CNTNAP5: variants seen among roughly 807,000 people sequenced by gnomAD.
The protein encoded by CNTNAP5 is contactin associated protein family member 5.
CNTNAP5 carries 72 observed loss-of-function variants against 150.2 expected under a neutral mutation model. The ratio of observed to expected loss-of-function variants is 0.48; its 90% confidence interval spans 0.40 to 0.58. The LOEUF (loss-of-function observed/expected upper bound fraction) is 0.58, where lower values mean the gene tolerates loss of function less well. CNTNAP5 is among the 20% of genes least tolerant of loss of function. The pLI is 0.00. For missense variants in CNTNAP5, 1,636 were observed against 1,626.2 expected, an observed-to-expected ratio of 1.01 and a Z score of -0.10; for synonymous variants, 672 against 619.8, an observed-to-expected ratio of 1.08 and a Z score of -1.25.
intron 1 of CNTNAP5, among the ~76,000 whole-genome samples, chr2:124,079,946 A>G (rs1383654111): frequency 6.6e-6 from 1 of 152,212 alleles, no homozygotes; most frequent in East Asian, 1.9e-4. Context: ...TGAAGAATAA[A>G]TGAATTGCTA....
intron 1 of CNTNAP5, among the ~76,000 whole-genome samples, chr2:124,221,322 C>T (rs757270032): frequency 1.1e-4 from 16 of 152,232 alleles, no homozygotes; most frequent in Non-Finnish European, 1.6e-4. Flanking sequence ...TTAATCATCT[C>T]GCTTCTTATA....
chr2:124,313,945 A>G (rs1265035603), intron 3 of CNTNAP5, among the ~76,000 whole-genome samples: 2 of 152,202 alleles, frequency 1.3e-5, no homozygotes, highest in African/African-American at 4.8e-5. Context: ...CAGACTTAGA[A>G]CTAAATCTCA....
chr2:124,439,031 C>A (rs1174627166), intron 5 of CNTNAP5, among the ~76,000 whole-genome samples: 1 of 152,000 alleles, frequency 6.6e-6, no homozygotes, highest in Non-Finnish European at 1.5e-5. Context: ...ATGTAATAAA[C>A]TTTTATAAAA....
intron 8 of CNTNAP5, among the ~76,000 whole-genome samples, chr2:124,505,204 A>G (rs1694375242): frequency 6.6e-6 from 1 of 152,162 alleles, no homozygotes; most frequent in Admixed American, 6.5e-5. Context: ...TAAACATGGC[A>G]TGTTTCATAT....
At chr2:124,699,843 CTCT>C (rs1455410446) in intron 13 of CNTNAP5, among the ~76,000 whole-genome samples, 2 of 150,040 alleles carry the variant, frequency 1.3e-5, no homozygotes, top group South Asian at 2.1e-4. Context: ...TTTCTTTCTT[CTCT>C]TCTTAGATAT....
intron 1 of CNTNAP5, among the ~76,000 whole-genome samples, chr2:124,118,713 G>C (rs910105303): frequency 6.6e-6 from 1 of 152,178 alleles, no homozygotes; most frequent in Admixed American, 6.6e-5. Context: ...GTAAGGGAGA[G>C]GAGGAGGACC....
At chr2:124,279,621 G>T (rs768365672) in intron 3 of CNTNAP5, among the ~76,000 whole-genome samples, 9 of 152,028 alleles carry the variant, frequency 5.9e-5, no homozygotes, top group Non-Finnish European at 1.3e-4. Context: ...CTTATCAGGG[G>T]ATCCAACCAT....
rs890816163 is a variant in CNTNAP5, at chr2:124,504,536, G to A, written c.1307G>A (p.Arg436His). 13 of 1,613,538 alleles carry A rather than the reference G, an allele frequency of 8.1e-6. No individual in the cohort carries two copies. Among genetic ancestry groups the A allele is most frequent in the South Asian group, 2.2e-5 (2 of 91,068 alleles). Residue 436 changes from arginine to histidine, a missense_variant, in exon 8 of 24, where the codon CGC becomes CAC. Arg to His is a conservative substitution (Grantham distance 29, BLOSUM62 0). Transcript: ENST00000682447. ...CTCGTGATTCAGAAAATGACAGAAC[G>A]CGTAGCTGAAATCCTCACAGGTACT... ...LRLVIQKMTE[R>H]VAEILTGSNL...
chr2:124,168,889 A>G (rs1223235473), intron 1 of CNTNAP5, among the ~76,000 whole-genome samples: 2 of 152,144 alleles, frequency 1.3e-5, no homozygotes, highest in East Asian at 3.9e-4. Flanking sequence ...GGAACTTTGG[A>G]GTTGATGTAA....
chr2:124,869,562 A>AG (rs1573675658), intron 20 of CNTNAP5, 113 bp from the exon 21 acceptor site: 1 of 657,018 alleles, frequency 1.5e-6, no homozygotes, highest in East Asian at 2.8e-5. Flanking sequence ...AAAATCTCAG[A>AG]GGGGGGTCTG....
chr2:124,594,745 G>T (rs1419223124), intron 11 of CNTNAP5, among the ~76,000 whole-genome samples: 3 of 132,388 alleles, frequency 2.3e-5, no homozygotes, highest in African/African-American at 8.2e-5. Flanking sequence ...CCATTTTCAC[G>T]ATATTGATTC....
At chr2:124,764,454 T>A (rs1191933480) in intron 16 of CNTNAP5, among the ~76,000 whole-genome samples, 1 of 152,224 alleles carries the variant, frequency 6.6e-6, no homozygotes, top group Non-Finnish European at 1.5e-5. Flanking sequence ...ACTTTATTCA[T>A]GACACTTTCC....
At position 124,558,620 on chromosome 2, in the gene CNTNAP5, C is replaced by A. The variant is rs140687399; in HGVS notation, c.1650-4597C>A. Reference sequence around the variant, plus strand: ...AAGAAGCCAAAAATTCATATTTCTTCTGTGAAACTTTACAAATTAAAAACA... The same window carrying A: ...AAGAAGCCAAAAATTCATATTTCTTATGTGAAACTTTACAAATTAAAAACA... On this transcript the variant is annotated intron_variant, in intron 10 of 23. Coordinates refer to ENST00000682447, the MANE Select transcript of CNTNAP5 (RefSeq NM_001367498.1). Among the ~76,000 whole-genome samples the A allele has an allele frequency of 5.8e-4, 88 of 152,278 alleles. 1 individual carries two copies. The East Asian group carries it at 0.015, about 26-fold the overall frequency.
chr2:124,364,238 G>T (rs1408248362), intron 3 of CNTNAP5, among the ~76,000 whole-genome samples: 1 of 152,086 alleles, frequency 6.6e-6, no homozygotes, highest in African/African-American at 2.4e-5. Flanking sequence ...TAGGGTCTTT[G>T]CTCTAGCTAC....
At chr2:124,033,673 C>T (rs79554053) in intron 1 of CNTNAP5, among the ~76,000 whole-genome samples, 1,197 of 102,314 alleles carry the variant, frequency 0.012, 16 homozygotes, top group African/African-American at 0.045. Context: ...CTGATGCAGG[C>T]CAGACATGGG....
intron 1 of CNTNAP5, among the ~76,000 whole-genome samples, chr2:124,035,503 G>T (rs1284743596): frequency 6.6e-6 from 1 of 151,394 alleles, no homozygotes; most frequent in Non-Finnish European, 1.5e-5. Context: ...ATGTTTTATG[G>T]CATAAGTTAA....
rs953434661 is a variant in CNTNAP5 at position 124,429,110 on chromosome 2, G to A, written c.530-5374G>A. 2.0e-5 allele frequency among the ~76,000 whole-genome samples: 3 copies of A among 152,230 alleles called. No individual in the cohort carries two copies. The East Asian group carries it at 5.8e-4, about 29-fold the overall frequency. On this transcript the variant is annotated intron_variant, in intron 4 of 23. Coordinates refer to ENST00000682447, the MANE Select transcript of CNTNAP5 (RefSeq NM_001367498.1). ...AAGTCGTTATGATACTACCTCATGA[G>A]GAAAAAGCAGCATATAATAGTTTAT...
At chr2:124,848,033 A>T (rs1339952466) in intron 19 of CNTNAP5, among the ~76,000 whole-genome samples, 1 of 152,214 alleles carries the variant, frequency 6.6e-6, no homozygotes, top group South Asian at 2.1e-4. Flanking sequence ...TACATTCAAG[A>T]TGTACAATGT....
intron 14 of CNTNAP5, among the ~76,000 whole-genome samples, chr2:124,761,443 T>G (rs1573599749): frequency 6.6e-6 from 1 of 152,266 alleles, no homozygotes; most frequent in Admixed American, 6.5e-5. Context: ...TAAAGAAATT[T>G]AAAATTCACT....
Sources: allele counts gnomAD v4.1 joint callset (sites outside exome capture counted in the v4.1 genomes callset), GRCh38; gene constraint gnomAD v4.1.1; transcripts MANE v1.5; gene names NCBI Gene and HGNC (gene_info 2026-07-23, HGNC 2026-07-21).